Variants in DOCK8 observed in about 807,000 individuals in gnomAD.
The protein encoded by DOCK8 is dedicator of cytokinesis 8.
In DOCK8, 141 loss-of-function variants were observed where a neutral mutation model predicts 245.6. The observed-to-expected ratio is 0.57, with a 90% CI of 0.50 to 0.66. DOCK8 has a LOEUF of 0.66. Among genes scored for constraint, DOCK8 ranks in the 30% least tolerant of loss-of-function variants. DOCK8 has a pLI of 0.00. For synonymous variants in DOCK8, 1,168 were observed against 970.2 expected, an observed-to-expected ratio of 1.20 and a Z score of -3.79; for missense variants, 2,965 against 2,603.4, an observed-to-expected ratio of 1.14 and a Z score of -3.02.
chr9:276,388 G>C (rs983026731), intron 2 of DOCK8, among the ~76,000 whole-genome samples: 4 of 152,170 alleles, frequency 2.6e-5, no homozygotes, highest in African/African-American at 9.7e-5. Context: ...GAGGAAGGGT[G>C]TATGTTTGAT....
rs754374567 is a variant in DOCK8 at position 328,184 on chromosome 9, G to A, written c.1044+13G>A. 5 of 1,610,140 alleles carry A rather than the reference G, an allele frequency of 3.1e-6. No homozygotes were observed. The Admixed American group carries it at 5.0e-5, about 16-fold the overall frequency. On this transcript the variant is annotated intron_variant, in intron 9 of 47. Coordinates refer to ENST00000432829, the MANE Select transcript of DOCK8 (RefSeq NM_203447.4). ...CCTGGTAGTCAAGGTAATTCAGTAC[G>A]ATCTGATTTGCCCAATCTGATGTTT...
In DOCK8 at chr9:368,067, G is replaced by T. The variant is rs759393585; in HGVS notation, c.1729G>T (p.Ala577Ser). 5 of 1,614,100 alleles carry T rather than the reference G, an allele frequency of 3.1e-6. No homozygotes were observed. Among genetic ancestry groups the T allele is most frequent in the Non-Finnish European group, 3.4e-6 (4 of 1,180,014 alleles). The change falls in exon 15 of 48, where the codon GCA becomes TCA. Residue 577 changes from alanine (A) to serine (S), a missense_variant. Transcript: ENST00000432829. ...PQRLNFVNKL[A>S]SARNITIKIQ... ...GAGGCTGAACTTTGTAAACAAACTAGCATCAGCCCGGAACATTACAATAAA... is the reference window on the plus strand; with the variant it reads ...GAGGCTGAACTTTGTAAACAAACTATCATCAGCCCGGAACATTACAATAAA...
chr9:265,856 C>G (rs553977593), intron 1 of DOCK8, among the ~76,000 whole-genome samples: 9 of 152,242 alleles, frequency 5.9e-5, no homozygotes, highest in African/African-American at 2.2e-4. Flanking sequence ...CCCAGCCCTT[C>G]TGGTTTACAT....
At chr9:358,252 TA>T (rs757202324) in intron 14 of DOCK8, among the ~76,000 whole-genome samples, 6 of 149,952 alleles carry the variant, frequency 4.0e-5, no homozygotes, top group East Asian at 3.9e-4. Context: ...GCCTGGCTAA[TA>T]AAAAAAAAAT....
At chr9:396,994 T>TATCAC (rs2054493589) in intron 25 of DOCK8, 60 bp downstream of exon 25, 1 of 1,520,568 alleles carries the variant, frequency 6.6e-7, no homozygotes, top group African/African-American at 1.4e-5. Context: ...ATTACTTTCA[T>TATCAC]AATCAGAGAA....
At chr9:311,156 A>G (rs1440910710) in intron 5 of DOCK8, among the ~76,000 whole-genome samples, 2 of 152,018 alleles carry the variant, frequency 1.3e-5, no homozygotes, top group Non-Finnish European at 2.9e-5. Context: ...GTAGTGGCGG[A>G]CGCCTGTAGT....
intron 7 of DOCK8, 84 bp from the exon 8 acceptor site, chr9:325,587 C>G: frequency 9.0e-7 from 1 of 1,108,000 alleles, no homozygotes; most frequent in Non-Finnish European, 1.4e-6. Context: ...ATATTTTTAA[C>G]CAGTTTATCT....
At chr9:460,490 G>C (rs2057769568) in intron 46 of DOCK8, 1 of 152,074 alleles carries the variant, frequency 6.6e-6, no homozygotes, top group South Asian at 2.1e-4. Context: ...TGTTAGTTAA[G>C]AAGCAATAAA....
At chr9:435,583 C>G (rs2056871523) in intron 39 of DOCK8, among the ~76,000 whole-genome samples, 1 of 152,192 alleles carries the variant, frequency 6.6e-6, no homozygotes, top group African/African-American at 2.4e-5. Context: ...TGATTCCACT[C>G]TTCAACTTTA....
At chr9:443,181 T>C (rs918588450) in intron 42 of DOCK8, among the ~76,000 whole-genome samples, 4 of 152,168 alleles carry the variant, frequency 2.6e-5, no homozygotes, top group African/African-American at 9.7e-5. Flanking sequence ...TCAGCAAATA[T>C]AATGATGTTA....
intron 26 of DOCK8, among the ~76,000 whole-genome samples, chr9:400,285 T>TCCACCA (rs1564013209): frequency 4.6e-5 from 1 of 21,818 alleles, no homozygotes. Context: ...CACCACTTCC[T>TCCACCA]TCACCACCAC....
intron 1 of DOCK8, among the ~76,000 whole-genome samples, chr9:216,167 T>C (rs1304180971): frequency 6.6e-6 from 1 of 152,134 alleles, no homozygotes; most frequent in Non-Finnish European, 1.5e-5. Context: ...TATTTCGTCA[T>C]CTGTAAAATG....
rs778794990 is a variant in DOCK8, at chr9:317,066, A to G, written c.765A>G (p.Pro255=). 7.6e-5 allele frequency: 123 copies of G among 1,614,034 alleles called. No individual in the cohort carries two copies. Among genetic ancestry groups the G allele is most frequent in the South Asian group, 5.5e-4 (50 of 91,084 alleles). Residue 255 remains proline (P), a synonymous_variant, in exon 7 of 48, where the codon CCA becomes CCG. Coordinates refer to ENST00000432829, the MANE Select transcript of DOCK8 (RefSeq NM_203447.4). Reference sequence around the variant, plus strand: ...AGGAGGATGCTGTGGAAATACGTCCAGTACCAGAATGTCCCAAGGAACACC... The same window carrying G: ...AGGAGGATGCTGTGGAAATACGTCCGGTACCAGAATGTCCCAAGGAACACC... ...VDEEDAVEIR[P]VPECPKEHLG... is the part of the protein sequence containing the mutation.
At chr9:336,150 C>T (rs952770118) in intron 11 of DOCK8, among the ~76,000 whole-genome samples, 2 of 152,190 alleles carry the variant, frequency 1.3e-5, no homozygotes, top group African/African-American at 4.8e-5. Context: ...CACAGGCTGA[C>T]CCCAGCATGT....
At chr9:435,529 T>C (rs1448140790) in intron 39 of DOCK8, among the ~76,000 whole-genome samples, 2 of 152,224 alleles carry the variant, frequency 1.3e-5, no homozygotes, top group Non-Finnish European at 2.9e-5. Flanking sequence ...TTGTGAAAGT[T>C]TGGAAAACAT....
chr9:314,030 T>C (rs1461872354), intron 6 of DOCK8, among the ~76,000 whole-genome samples: 1 of 152,202 alleles, frequency 6.6e-6, no homozygotes, highest in Non-Finnish European at 1.5e-5. Flanking sequence ...TAAAGAGCTT[T>C]TTCAAGATTC....
intron 22 of DOCK8, among the ~76,000 whole-genome samples, chr9:386,031 C>T (rs1241859293): frequency 1.3e-5 from 2 of 152,046 alleles, no homozygotes; most frequent in African/African-American, 4.8e-5. Context: ...TTTTTCCTGG[C>T]GTCCCCTGAA....
At chr9:324,394 T>C (rs2130797304) in intron 7 of DOCK8, among the ~76,000 whole-genome samples, 1 of 152,270 alleles carries the variant, frequency 6.6e-6, no homozygotes, top group South Asian at 2.1e-4. Context: ...CTTTTCCTGG[T>C]GCTCTCTGCA....
At chr9:293,637 G>C (rs1366861080) in intron 4 of DOCK8, among the ~76,000 whole-genome samples, 1 of 152,250 alleles carries the variant, frequency 6.6e-6, no homozygotes, top group Non-Finnish European at 1.5e-5. Context: ...CCTTTGGGGA[G>C]ACAAAGTTTG....
Sources: allele counts gnomAD v4.1 joint callset (sites outside exome capture counted in the v4.1 genomes callset), GRCh38; gene constraint gnomAD v4.1.1; transcripts MANE v1.5; gene names NCBI Gene and HGNC (gene_info 2026-07-23, HGNC 2026-07-21).